ULK4: variants seen among roughly 807,000 people sequenced by gnomAD.
The protein encoded by ULK4 is inactive serine/threonine-protein kinase ULK4.
In ULK4, 133 loss-of-function variants were observed where a neutral mutation model predicts 160.6. The observed-to-expected ratio is 0.83, with a 90% CI of 0.72 to 0.96. The LOEUF (loss-of-function observed/expected upper bound fraction) is 0.96, where lower values mean the gene tolerates loss of function less well. ULK4 is among the 40% of genes least tolerant of loss of function. The pLI is 0.00. For missense variants in ULK4, 1,580 were observed against 1,499.5 expected, an observed-to-expected ratio of 1.05 and a Z score of -0.89; for synonymous variants, 534 against 539.8, an observed-to-expected ratio of 0.99 and a Z score of 0.15.
chr3:41,636,554 A>AAGAAG (rs1239223793), intron 30 of ULK4, among the ~76,000 whole-genome samples: 1 of 151,738 alleles, frequency 6.6e-6, no homozygotes, highest in Non-Finnish European at 1.5e-5. Context: ...AAAAAAAGAA[A>AAGAAG]AGAAGAGAAG....
intron 35 of ULK4, among the ~76,000 whole-genome samples, chr3:41,329,989 T>C (rs1388428787): frequency 6.6e-6 from 1 of 152,232 alleles, no homozygotes; most frequent in African/African-American, 2.4e-5. Context: ...ATCACATTAA[T>C]TGACCTTATT....
chr3:41,397,344 T>G (rs1221149741), intron 35 of ULK4, among the ~76,000 whole-genome samples: 2 of 152,138 alleles, frequency 1.3e-5, no homozygotes, highest in African/African-American at 2.4e-5. Context: ...ATGTTGGGGA[T>G]GAGAAAATTT....
At chr3:41,259,320 C>T (rs576451402) in intron 35 of ULK4, among the ~76,000 whole-genome samples, 3 of 152,134 alleles carry the variant, frequency 2.0e-5, no homozygotes, top group Non-Finnish European at 4.4e-5. Flanking sequence ...AAACACAACA[C>T]CCTGCAGTAC....
intron 35 of ULK4, among the ~76,000 whole-genome samples, chr3:41,304,528 C>T (rs2079865975): frequency 1.3e-5 from 2 of 152,140 alleles, no homozygotes. Context: ...TTTTTAGTAG[C>T]AAGCTGCAGA....
chr3:41,570,925 T>C (rs2087951525), intron 31 of ULK4, among the ~76,000 whole-genome samples: 1 of 152,164 alleles, frequency 6.6e-6, no homozygotes, highest in African/African-American at 2.4e-5. Context: ...TACACTCTGA[T>C]TATCAAACTT....
At chr3:41,825,363 T>A (rs2041308451) in intron 18 of ULK4, among the ~76,000 whole-genome samples, 1 of 152,108 alleles carries the variant, frequency 6.6e-6, no homozygotes, top group South Asian at 2.1e-4. Flanking sequence ...CAAACTACTC[T>A]AAGCTAAATG....
At chr3:41,300,868 T>TAC (rs2125710568) in intron 35 of ULK4, among the ~76,000 whole-genome samples, 1 of 115,072 alleles carries the variant, frequency 8.7e-6, no homozygotes, top group East Asian at 2.6e-4. Flanking sequence ...TATATATATA[T>TAC]ATATATATAT....
intron 20 of ULK4, among the ~76,000 whole-genome samples, chr3:41,792,963 A>G (rs1026925674): frequency 3.9e-5 from 6 of 152,252 alleles, no homozygotes; most frequent in Admixed American, 2.6e-4. Context: ...TCACAAGGTC[A>G]GGAGTTTCAG....
intron 32 of ULK4, among the ~76,000 whole-genome samples, chr3:41,483,451 T>C (rs1397026273): frequency 1.3e-5 from 2 of 151,982 alleles, no homozygotes; most frequent in Non-Finnish European, 2.9e-5. Flanking sequence ...CACCCCCATA[T>C]AGTTATCTCT....
intron 29 of ULK4, among the ~76,000 whole-genome samples, chr3:41,672,294 T>C (rs1356716109): frequency 6.6e-6 from 1 of 152,056 alleles, no homozygotes; most frequent in Non-Finnish European, 1.5e-5. Flanking sequence ...CTATTCACAA[T>C]AGCAAAGATC....
chr3:41,792,090 T>C (rs191537619), intron 20 of ULK4, among the ~76,000 whole-genome samples: 2 of 152,212 alleles, frequency 1.3e-5, no homozygotes, highest in South Asian at 2.1e-4. Flanking sequence ...TTAGGAAATA[T>C]GAAACTAGGG....
chr3:41,824,601 A>G (rs7652541), intron 18 of ULK4, among the ~76,000 whole-genome samples: 47,536 of 152,010 alleles, frequency 0.31, 10,889 homozygotes, highest in African/African-American at 0.65. Context: ...ACTGCAAGGC[A>G]GCAGCGATGC....
At chr3:41,297,202 T>C (rs977920169) in intron 35 of ULK4, among the ~76,000 whole-genome samples, 2 of 152,240 alleles carry the variant, frequency 1.3e-5, no homozygotes, top group African/African-American at 2.4e-5. Flanking sequence ...ATCAGCATCA[T>C]GGAGGTCCCC....
At chr3:41,767,401 T>C (rs2039203663) in intron 21 of ULK4, among the ~76,000 whole-genome samples, 1 of 152,198 alleles carries the variant, frequency 6.6e-6, no homozygotes, top group Non-Finnish European at 1.5e-5. Flanking sequence ...CTACAATGTT[T>C]ATAAAAACAG....
At chr3:41,417,332 A>T (rs1452801879) in intron 34 of ULK4, among the ~76,000 whole-genome samples, 1 of 152,106 alleles carries the variant, frequency 6.6e-6, no homozygotes, top group Non-Finnish European at 1.5e-5. Flanking sequence ...GAGCCTGGTA[A>T]AGGAAGGGGA....
rs1368482330 is a variant in ULK4 at position 41,575,827 on chromosome 3, C to A, written c.3121-9697G>T. 5.9e-5 allele frequency among the ~76,000 whole-genome samples: 9 copies of A among 151,268 alleles called. No individual in the cohort carries two copies. In the East Asian group the frequency reaches 1.6e-3, roughly 26 times the overall value. On this transcript the variant is annotated intron_variant, in intron 31 of 36. Transcript: ENST00000301831. ...TAATTGTGTCACTTGGCTTTCCTAG[C>A]CCTGCCCTTTCATGTTATTTAGGCT...
intron 17 of ULK4, among the ~76,000 whole-genome samples, chr3:41,878,675 TAAAAAAAAAA>T (rs33987084): frequency 3.1e-5 from 3 of 95,934 alleles, no homozygotes; most frequent in East Asian, 6.4e-4. Context: ...TTAAAACTGT[TAAAAAAAAAA>T]AAAAAAAAAA....
chr3:41,932,336 G>C (rs867536285), intron 4 of ULK4, among the ~76,000 whole-genome samples: 1 of 152,164 alleles, frequency 6.6e-6, no homozygotes, highest in African/African-American at 2.4e-5. Context: ...GCTATAACAG[G>C]ATTTGAAAAC....
intron 31 of ULK4, among the ~76,000 whole-genome samples, chr3:41,596,906 C>A (rs1215590057): frequency 6.6e-6 from 1 of 152,124 alleles, no homozygotes; most frequent in African/African-American, 2.4e-5. Context: ...CTATTGACAT[C>A]ATGGGCCAGA....
Sources: allele counts gnomAD v4.1 joint callset (sites outside exome capture counted in the v4.1 genomes callset), GRCh38; gene constraint gnomAD v4.1.1; transcripts MANE v1.5; gene names NCBI Gene and HGNC (gene_info 2026-07-23, HGNC 2026-07-21).